ADARB2: variants seen among roughly 807,000 people sequenced by gnomAD.
The protein encoded by ADARB2 is inactive double-stranded RNA-specific editase B2.
A neutral mutation model predicts 62.2 loss-of-function variants in ADARB2; 25 were observed. The observed-to-expected ratio is 0.40, with a 90% CI of 0.29 to 0.56. ADARB2 has a LOEUF of 0.56. Ranked by LOEUF, ADARB2 falls within the 20% of genes least tolerant of loss-of-function variation. ADARB2 has a pLI of 0.43. For missense variants in ADARB2, 1,071 were observed against 1,077.4 expected, an observed-to-expected ratio of 0.99 and a Z score of 0.08; for synonymous variants, 572 against 500.8, an observed-to-expected ratio of 1.14 and a Z score of -1.90.
chr10:1,566,372 A>G (rs1460217425), intron 1 of ADARB2, among the ~76,000 whole-genome samples: 1 of 152,244 alleles, frequency 6.6e-6, no homozygotes, highest in Non-Finnish European at 1.5e-5. Context: ...AAAGAACGGT[A>G]CTAAGAAATT....
At chr10:1,568,425 C>T (rs1033005950) in intron 1 of ADARB2, among the ~76,000 whole-genome samples, 17 of 152,292 alleles carry the variant, frequency 1.1e-4, no homozygotes, top group Non-Finnish European at 1.9e-4. Context: ...ACTGGCTCCC[C>T]GCAACCAAAC....
chr10:1,627,079 C>T lies in ADARB2; in HGVS notation c.100+109972G>A, dbSNP rs556108837. ...CCTGGCCTGGACGCCTCTCCCTCCCCACAGGCTCACACATCAGTCACCCAC... is the reference window on the plus strand; with the variant it reads ...CCTGGCCTGGACGCCTCTCCCTCCCTACAGGCTCACACATCAGTCACCCAC... On this transcript the variant is annotated intron_variant, in intron 1 of 9. Transcript: ENST00000381312. Among the ~76,000 whole-genome samples the T allele has an allele frequency of 3.0e-4, 45 of 152,276 alleles. No individual in the cohort carries two copies. The South Asian group carries it at 3.1e-3, about 11-fold the overall frequency.
intron 1 of ADARB2, among the ~76,000 whole-genome samples, chr10:1,538,846 C>T (rs1011737731): frequency 6.6e-6 from 1 of 152,238 alleles, no homozygotes; most frequent in Non-Finnish European, 1.5e-5. Flanking sequence ...AGTGGACACT[C>T]AGTTCCACCC....
In ADARB2 at chr10:1,713,945, C is replaced by G. The variant is rs74737272; in HGVS notation, c.100+23106G>C. Among the ~76,000 whole-genome samples the G allele has an allele frequency of 5.7e-4, 87 of 152,320 alleles. No homozygotes were observed. The East Asian group carries it at 0.015, about 26-fold the overall frequency. On this transcript the variant is annotated intron_variant, in intron 1 of 9. Transcript: ENST00000381312. The stretch of plus-strand genomic sequence containing the variant: ...CCCAGTGGTCTACTGAACGTGCTTC[C>G]TGGAGCTCTGAGGGCAAAGCTTAGT...
At chr10:1,441,584 C>T (rs1048700216) in intron 1 of ADARB2, among the ~76,000 whole-genome samples, 1 of 152,194 alleles carries the variant, frequency 6.6e-6, no homozygotes, top group African/African-American at 2.4e-5. Flanking sequence ...GTAGGTATTA[C>T]TCTTCACTTA....
chr10:1,687,149 C>T (rs984826805), intron 1 of ADARB2, among the ~76,000 whole-genome samples: 3 of 151,896 alleles, frequency 2.0e-5, no homozygotes, highest in Non-Finnish European at 4.4e-5. Context: ...GCCTCAGCCT[C>T]CCTAGTAGCT....
intron 1 of ADARB2, among the ~76,000 whole-genome samples, chr10:1,521,762 G>A (rs1588286285): frequency 3.3e-5 from 1 of 30,660 alleles, no homozygotes; most frequent in Non-Finnish European, 8.9e-5. Context: ...TAAGCTGGAA[G>A]GGGCACCCCC....
chr10:1,382,347 T>G (rs1228562252), intron 1 of ADARB2, among the ~76,000 whole-genome samples: 1 of 152,222 alleles, frequency 6.6e-6, no homozygotes, highest in Non-Finnish European at 1.5e-5. Flanking sequence ...TATTTATTGC[T>G]AACAAGTACA....
chr10:1,424,148 ACCACTATGTATGCAGTAGGT>A (rs1187957136), intron 1 of ADARB2, among the ~76,000 whole-genome samples: 44 of 152,006 alleles, frequency 2.9e-4, no homozygotes, highest in African/African-American at 8.0e-4. Context: ...ATACAGTGGG[ACCACTATGTATGCAGTAGGT>A]CCACTATGTA....
intron 1 of ADARB2, among the ~76,000 whole-genome samples, chr10:1,661,869 G>A (rs566454430): frequency 1.3e-5 from 2 of 152,194 alleles, no homozygotes; most frequent in Admixed American, 6.5e-5. Flanking sequence ...CAGCTTCACC[G>A]TCTTCCCTCT....
At chr10:1,205,570 G>A (rs897772745) in intron 7 of ADARB2, among the ~76,000 whole-genome samples, 1 of 152,234 alleles carries the variant, frequency 6.6e-6, no homozygotes, top group Non-Finnish European at 1.5e-5. Flanking sequence ...TCTGCGGTCC[G>A]AATGCTTGTG....
intron 3 of ADARB2, among the ~76,000 whole-genome samples, chr10:1,325,201 C>G (rs1246893436): frequency 1.3e-5 from 2 of 152,200 alleles, no homozygotes; most frequent in Non-Finnish European, 2.9e-5. Context: ...GTCCATGAAC[C>G]TCCGTGGACA....
chr10:1,703,249 G>T (rs1834846112), intron 1 of ADARB2, among the ~76,000 whole-genome samples: 1 of 152,176 alleles, frequency 6.6e-6, no homozygotes, highest in Non-Finnish European at 1.5e-5. Context: ...ATAGCAAGGG[G>T]GTGGGGGCTG....
rs188950921 is a variant in ADARB2 at position 1,215,929 on chromosome 10, C to A, written c.1682+1022G>T. ...GGGAGGTCTTAGGGCCTCAGATCCA[C>A]GTTGGGGAGGCCTCAGGGCCTCAAA... On this transcript the variant is annotated intron_variant, in intron 7 of 9. Coordinates refer to ENST00000381312, the MANE Select transcript of ADARB2 (RefSeq NM_018702.4). 16 of 149,426 alleles carry A rather than the reference C, an allele frequency of 1.1e-4. 1 individual carries two copies. Among genetic ancestry groups the A allele is most frequent in the African/African-American group, 3.7e-4 (15 of 40,426 alleles). 9.3% of individuals were successfully genotyped at this position (149,426 alleles called of 1,614,324 possible).
intron 1 of ADARB2, among the ~76,000 whole-genome samples, chr10:1,696,098 T>C (rs1002390308): frequency 2.0e-5 from 3 of 152,204 alleles, no homozygotes; most frequent in Non-Finnish European, 4.4e-5. Flanking sequence ...TCTGTGTGCA[T>C]ATATGCACAC....
At chr10:1,503,838 C>T (rs1588280004) in intron 1 of ADARB2, among the ~76,000 whole-genome samples, 2 of 152,230 alleles carry the variant, frequency 1.3e-5, no homozygotes, top group Admixed American at 1.3e-4. Context: ...GACATGCCTG[C>T]CCTGTCTTCA....
chr10:1,633,542 T>TGTCTATC (rs1833867681), intron 1 of ADARB2, among the ~76,000 whole-genome samples: 1 of 121,700 alleles, frequency 8.2e-6, no homozygotes, highest in Admixed American at 8.6e-5. Flanking sequence ...TCTGTCTGTC[T>TGTCTATC]ATCTATCATC....
intron 8 of ADARB2, among the ~76,000 whole-genome samples, chr10:1,194,043 A>G (rs994500512): frequency 2.0e-5 from 3 of 152,120 alleles, no homozygotes; most frequent in African/African-American, 4.8e-5. Flanking sequence ...TGGAACTCTT[A>G]TTACATGCAT....
At chr10:1,509,426 G>A (rs1017080063) in intron 1 of ADARB2, among the ~76,000 whole-genome samples, 7 of 152,136 alleles carry the variant, frequency 4.6e-5, no homozygotes, top group Non-Finnish European at 8.8e-5. Context: ...TCGGGGGTTC[G>A]TCAGGCACAA....
Sources: allele counts gnomAD v4.1 joint callset (sites outside exome capture counted in the v4.1 genomes callset), GRCh38; gene constraint gnomAD v4.1.1; transcripts MANE v1.5; gene names NCBI Gene and HGNC (gene_info 2026-07-23, HGNC 2026-07-21).